Variants in MECOM observed in about 807,000 individuals in gnomAD.
MECOM encodes the protein histone-lysine N-methyltransferase MECOM.
MECOM carries 13 observed loss-of-function variants against 116.3 expected under a neutral mutation model. The observed-to-expected ratio is 0.11, with a 90% CI of 0.07 to 0.18. The LOEUF is 0.18. Ranked by LOEUF, MECOM falls within the 10% of genes least tolerant of loss-of-function variation. MECOM has a pLI of 1.00. For synonymous variants in MECOM, 528 were observed against 535.2 expected (o/e 0.99, Z 0.19); for missense variants, 1,299 against 1,509.0 (o/e 0.86, Z 2.31).
chr3:169,532,027 A>G (rs1158198559), intron 1 of MECOM, among the ~76,000 whole-genome samples: 2 of 152,224 alleles, frequency 1.3e-5, no homozygotes, highest in African/African-American at 4.8e-5. Context: ...AAGTGGTTTG[A>G]TCACTTCTAA....
chr3:169,308,876 C>T (rs971479853), intron 2 of MECOM, among the ~76,000 whole-genome samples: 8 of 152,142 alleles, frequency 5.3e-5, no homozygotes, highest in East Asian at 1.9e-4. Context: ...GACTGTACAT[C>T]GATGGACACT....
chr3:169,121,107 A>G lies in MECOM; in HGVS notation c.1081T>C (p.Ser361Pro). ...PECGKTFATS[S>P]GLKQHKHIHS... ...ATGTGCTTGTGTTGTTTGAGGCCCG[A>G]CGAAGTGGCAAACGTTTTGCCACAC... Residue 361 changes from serine to proline, a missense_variant, in exon 7 of 17, where the codon TCG becomes CCG. Physicochemically the swap from Ser to Pro is moderately conservative, Grantham distance 74. Transcript: ENST00000651503. 6.2e-7 allele frequency: 1 copy of G among 1,613,624 alleles called. No individual in the cohort carries two copies. Among genetic ancestry groups the G allele is most frequent in the Non-Finnish European group, 8.5e-7 (1 of 1,179,760 alleles).
Position 169,109,319 on chromosome 3 carries a change from G to A in MECOM, c.2578-1367C>T, listed in dbSNP as rs372717269. Among the ~76,000 whole-genome samples the A allele has an allele frequency of 7.2e-5, 11 of 152,222 alleles. No homozygotes were observed. The East Asian group carries it at 1.5e-3, about 21-fold the overall frequency. On this transcript the variant is annotated intron_variant, in intron 9 of 16. Transcript: ENST00000651503. ...TAGAAGACTAAATAGTTCTCACCTGGCCTGATAGAGCAAACATGCTTCTTC... is the reference window on the plus strand; with the variant it reads ...TAGAAGACTAAATAGTTCTCACCTGACCTGATAGAGCAAACATGCTTCTTC...
intron 1 of MECOM, among the ~76,000 whole-genome samples, chr3:169,459,691 C>T (rs1306945662): frequency 6.6e-6 from 1 of 152,158 alleles, no homozygotes; most frequent in Admixed American, 6.5e-5. Flanking sequence ...CAACCTGTCC[C>T]CTGCTCCAAA....
At chr3:169,489,442 C>T (rs1014620302) in intron 1 of MECOM, among the ~76,000 whole-genome samples, 1 of 152,106 alleles carries the variant, frequency 6.6e-6, no homozygotes, top group Admixed American at 6.6e-5. Flanking sequence ...ATGACTGAAA[C>T]AATCTTGAGG....
chr3:169,200,664 A>G (rs1749027865), intron 2 of MECOM, among the ~76,000 whole-genome samples: 2 of 152,094 alleles, frequency 1.3e-5, no homozygotes, highest in African/African-American at 4.8e-5. Flanking sequence ...TATTTGGGCA[A>G]TTAGGTCTTA....
intron 12 of MECOM, among the ~76,000 whole-genome samples, chr3:169,098,033 T>A (rs1325679766): frequency 6.6e-6 from 1 of 152,122 alleles, no homozygotes; most frequent in African/African-American, 2.4e-5. Flanking sequence ...TTACTTTTTT[T>A]AATTTTTTCT....
Position 169,378,514 on chromosome 3 carries a change from AAAAGAAAGAAAGAAAG to A in MECOM, c.375+2657_375+2672del, listed in dbSNP as rs1159428318. Among the ~76,000 whole-genome samples, 179 of 26,876 alleles carry A rather than the reference AAAAGAAAGAAAGAAAG, an allele frequency of 6.7e-3. 8 individuals are homozygous for A. Among genetic ancestry groups the A allele is most frequent in the Non-Finnish European group, 9.2e-3 (142 of 15,454 alleles). The allele number at this position is 26,876 out of a possible 152,430, so 17.6% of individuals were successfully genotyped here. ...GAAAGAAAGAAAGAAAGAAAGAAAG[AAAAGAAAGAAAGAAAG>A]AAAGAAAGAAAGAAAGAAAGAAAGA... On this transcript the variant is annotated intron_variant, in intron 2 of 16. Coordinates refer to ENST00000651503, the MANE Select transcript of MECOM (RefSeq NM_004991.4).
At chr3:169,158,074 T>G (rs1057181752) in intron 2 of MECOM, among the ~76,000 whole-genome samples, 2 of 152,130 alleles carry the variant, frequency 1.3e-5, no homozygotes, top group African/African-American at 4.8e-5. Context: ...CCACCCCACA[T>G]CCATTCTACA....
chr3:169,263,127 A>ATTTT (rs1757800705), intron 2 of MECOM, among the ~76,000 whole-genome samples: 1 of 19,610 alleles, frequency 5.1e-5, no homozygotes, highest in African/African-American at 2.4e-4. Context: ...ATATATATAT[A>ATTTT]TGTTTTTTTT....
At chr3:169,520,107 T>G (rs778748434) in intron 1 of MECOM, among the ~76,000 whole-genome samples, 1 of 152,226 alleles carries the variant, frequency 6.6e-6, no homozygotes, top group Non-Finnish European at 1.5e-5. Context: ...AGAAGAGAGA[T>G]GATCTGAGAA....
In MECOM at chr3:169,663,529, T is replaced by TCTCC; in HGVS notation, c.-158_-157insGGAG. ...CTCTCTCTCTCTCTCTCTCTCTCTC[T>TCTCC]CCCTCCCTCCTGTTTCTCTCCTGTT... On this transcript the variant is annotated 5_prime_UTR_variant, in exon 1 of 17. Coordinates refer to ENST00000651503, the MANE Select transcript of MECOM (RefSeq NM_004991.4). The TCTCC allele has an allele frequency of 1.8e-6, 1 of 559,966 alleles. No individual in the cohort carries two copies. The highest frequency in any genetic ancestry group is 2.1e-5 in the South Asian group (1 of 48,080). The allele number at this position is 559,966 out of a possible 1,614,324, so 34.7% of individuals were successfully genotyped here. A position where few individuals can be genotyped will look rare whatever the true frequency, so the allele number is the denominator to read the frequency against.
intron 15 of MECOM, 51 bp downstream of exon 15, chr3:169,089,949 C>T (rs879846096): frequency 5.8e-6 from 9 of 1,545,910 alleles, no homozygotes; most frequent in Admixed American, 2.2e-5. Flanking sequence ...GAATTGCAAC[C>T]GTACATGGAT....
At chr3:169,636,385 C>G (rs1772757964) in intron 1 of MECOM, among the ~76,000 whole-genome samples, 1 of 152,150 alleles carries the variant, frequency 6.6e-6, no homozygotes. Flanking sequence ...AACTACCACT[C>G]TTTTCTAATG....
intron 1 of MECOM, among the ~76,000 whole-genome samples, chr3:169,557,948 A>C (rs557518267): frequency 1.1e-4 from 16 of 152,360 alleles, no homozygotes; most frequent in Admixed American, 9.1e-4. Flanking sequence ...AGGCTTGGCT[A>C]CTGTGAAATG....
intron 2 of MECOM, among the ~76,000 whole-genome samples, chr3:169,314,763 AAAG>A (rs1719442617): frequency 1.3e-5 from 2 of 152,352 alleles, no homozygotes; most frequent in South Asian, 2.1e-4. Context: ...GAAAAGGCAA[AAAG>A]AAGAATATAG....
At chr3:169,152,269 G>T (rs1741289141) in intron 2 of MECOM, among the ~76,000 whole-genome samples, 1 of 151,454 alleles carries the variant, frequency 6.6e-6, no homozygotes, top group South Asian at 2.1e-4. Flanking sequence ...TTATCTATTG[G>T]GGTGTGCTGT....
intron 1 of MECOM, among the ~76,000 whole-genome samples, chr3:169,434,403 G>C (rs1391193715): frequency 6.7e-6 from 1 of 149,754 alleles, no homozygotes; most frequent in Admixed American, 6.7e-5. Flanking sequence ...TTGTAGATAA[G>C]CACAGTGGAG....
At chr3:169,465,968 T>C (rs1258461037) in intron 1 of MECOM, among the ~76,000 whole-genome samples, 1 of 152,226 alleles carries the variant, frequency 6.6e-6, no homozygotes, top group African/African-American at 2.4e-5. Context: ...TTAGGAACCA[T>C]GATGAAGTCA....
Sources: allele counts gnomAD v4.1 joint callset (sites outside exome capture counted in the v4.1 genomes callset), GRCh38; gene constraint gnomAD v4.1.1; transcripts MANE v1.5; gene names NCBI Gene and HGNC (gene_info 2026-07-23, HGNC 2026-07-21).